The following NOP9 variants were observed in gnomAD, a reference collection of about 807,000 sequenced individuals.
NOP9 encodes the protein nucleolar protein 9.
Under a neutral mutation model 63.0 loss-of-function variants are expected in NOP9, and 50 were observed. The observed-to-expected ratio is 0.79, with a 90% CI of 0.63 to 1.00. The LOEUF is 1.00. Among genes scored for constraint, NOP9 ranks in the 50% least tolerant of loss-of-function variants. NOP9 has a pLI of 0.00. For missense variants in NOP9, 758 were observed against 803.0 expected (o/e 0.94, Z 0.68); for synonymous variants, 343 against 332.8 (o/e 1.03, Z -0.33).
At chr14:24,295,888 C>G (rs577293488), upstream of NOP9, among the ~76,000 whole-genome samples, 1 of 152,222 alleles carries the variant, frequency 6.6e-6, no homozygotes, top group African/African-American at 2.4e-5. Flanking sequence ...GGTGACTGAT[C>G]ACATCCATCA....
At chr14:24,280,050 C>T in the NOP9 span, among the ~76,000 whole-genome samples, 2 of 152,188 alleles carry the variant, frequency 1.3e-5, no homozygotes, top group Non-Finnish European at 2.9e-5. Context: ...CTGTCCCATT[C>T]ATCCATCCAA....
chr14:24,303,346 G>A, intron 6 of NOP9, 132 bp downstream of exon 6: 2 of 1,159,824 alleles, frequency 1.7e-6, no homozygotes, highest in Admixed American at 2.0e-5. Context: ...AGGAATGGGG[G>A]AAAATGAGGC....
At chr14:24,278,183 C>T in the NOP9 span, among the ~76,000 whole-genome samples, 20 of 152,298 alleles carry the variant, frequency 1.3e-4, no homozygotes, top group East Asian at 3.3e-3. Flanking sequence ...GTCACATACC[C>T]GGAGGTGGGG....
chr14:24,301,814 T>G, intron 3 of NOP9, 92 bp downstream of exon 3: 1 of 1,510,974 alleles, frequency 6.6e-7, no homozygotes, highest in Non-Finnish European at 9.2e-7. Flanking sequence ...TTATTCCTCT[T>G]CTTTTCAAAC....
rs777347694 is a variant in NOP9, at chr14:24,300,466, G to T, written c.306G>T (p.Thr102=). The T allele has an allele frequency of 6.2e-7, 1 of 1,614,204 alleles. No individual in the cohort carries two copies. Among genetic ancestry groups the T allele is most frequent in the South Asian group, 1.1e-5 (1 of 91,088 alleles). The change falls in exon 2 of 10, where the codon ACG becomes ACT. Residue 102 remains threonine, a synonymous_variant. Coordinates refer to ENST00000267425, the MANE Select transcript of NOP9 (RefSeq NM_174913.3). ...EVETQALALS[T]NRTGSEMLQE... is the part of the protein sequence containing the mutation. ...AGACTCAGGCCCTAGCTTTGTCCAC[G>T]AACAGGACTGGCAGTGAGATGCTGC...
the NOP9 span, among the ~76,000 whole-genome samples, chr14:24,276,191 A>G: frequency 6.6e-6 from 1 of 152,020 alleles, no homozygotes; most frequent in African/African-American, 2.4e-5. Context: ...AGCCTGTCCA[A>G]CACAGTGAAA....
In NOP9 at chr14:24,305,353, TG is replaced by T. The variant is rs2041464020; in HGVS notation, c.*261del. On this transcript the variant is annotated 3_prime_UTR_variant, in exon 10 of 10. Coordinates refer to ENST00000267425, the MANE Select transcript of NOP9 (RefSeq NM_174913.3). ...GGATTAGATGTAGCAGCAGTCAGGC[TG>T]GGATCAAGATGCCTGGGGGACATCT... 1.8e-6 allele frequency: 1 copy of T among 563,822 alleles called. No homozygotes were observed. Among genetic ancestry groups the T allele is most frequent in the African/African-American group, 1.9e-5 (1 of 52,832 alleles). 34.9% of individuals were successfully genotyped at this position (563,822 alleles called of 1,614,324 possible).
Position 24,300,603 on chromosome 14 carries a change from G to C in NOP9, c.443G>C (p.Ser148Thr), listed in dbSNP as rs141399108. Residue 148 changes from serine (S) to threonine (T), a missense_variant, in exon 2 of 10, where the codon AGT (serine) becomes ACT (threonine). Physicochemically the swap from Ser to Thr is moderately conservative, Grantham distance 58. Coordinates refer to ENST00000267425, the MANE Select transcript of NOP9 (RefSeq NM_174913.3). ...CHRCGVHVLQ[S>T]ALLQLPRLLG... ...CGATGCGGGGTCCATGTATTACAAAGTGCTTTGCTACAGCTCCCTCGATTG... is the reference window on the plus strand; with the variant it reads ...CGATGCGGGGTCCATGTATTACAAACTGCTTTGCTACAGCTCCCTCGATTG... 3 of 1,614,096 alleles carry C rather than the reference G, an allele frequency of 1.9e-6. No individual in the cohort carries two copies. Among genetic ancestry groups the C allele is most frequent in the Non-Finnish European group, 2.5e-6 (3 of 1,180,038 alleles).
chr14:24,300,890 GGAA>G, intron 2 of NOP9, 33 bp downstream of exon 2: 1 of 1,539,626 alleles, frequency 6.5e-7, no homozygotes, highest in African/African-American at 1.4e-5. Context: ...GGACCTAGGG[GGAA>G]GAAGAATTTA....
At chr14:24,302,167 A>T in intron 4 of NOP9, 61 bp downstream of exon 4, 2 of 1,601,566 alleles carry the variant, frequency 1.2e-6, no homozygotes, top group Non-Finnish European at 1.7e-6. Context: ...GAATGAGGTG[A>T]TGTAGTGCAA....
At chr14:24,293,007 G>A in the NOP9 span, 2 of 530,100 alleles carry the variant, frequency 3.8e-6, no homozygotes, top group South Asian at 2.9e-5. Flanking sequence ...TTTGGAAGAA[G>A]AAATGGAACG....
In NOP9 at chr14:24,301,581, C is replaced by T. The variant is rs371906510; in HGVS notation, c.698-31C>T. The T allele has an allele frequency of 1.9e-4, 304 of 1,612,734 alleles. 3 individuals are homozygous for T. In the Middle Eastern group the frequency reaches 2.6e-3, roughly 14 times the overall value. Reference sequence around the variant, plus strand: ...CTCCTGGATGGCAGTTTGTGATCTCCCCACTGCACATGTTCTTAATCTTCC... The same window carrying T: ...CTCCTGGATGGCAGTTTGTGATCTCTCCACTGCACATGTTCTTAATCTTCC... On this transcript the variant is annotated intron_variant, in intron 2 of 9. Coordinates refer to ENST00000267425, the MANE Select transcript of NOP9 (RefSeq NM_174913.3).
Position 24,306,115 on chromosome 14 carries a change from A to G in NOP9, c.*1020A>G. Reference sequence around the variant, plus strand: ...GCTGTGCTTGGGCCTCTCCCGTCCCAGGCCATATGACAGCACTCCACTCTG... The same window carrying G: ...GCTGTGCTTGGGCCTCTCCCGTCCCGGGCCATATGACAGCACTCCACTCTG... On this transcript the variant is annotated 3_prime_UTR_variant, in exon 10 of 10. Transcript: ENST00000267425. The G allele has an allele frequency of 6.2e-7, 1 of 1,613,974 alleles. No homozygotes were observed. Among genetic ancestry groups the G allele is most frequent in the East Asian group, 2.2e-5 (1 of 44,884 alleles).
Position 24,299,932 on chromosome 14 carries a change from G to A in NOP9, c.-23G>A. 1 of 1,517,396 alleles carries A rather than the reference G, an allele frequency of 6.6e-7. No homozygotes were observed. The highest frequency in any genetic ancestry group is 8.8e-7 in the Non-Finnish European group (1 of 1,133,968). The allele number at this position is 1,517,396 out of a possible 1,614,324, so 94.0% of individuals were successfully genotyped here. On this transcript the variant is annotated 5_prime_UTR_variant, in exon 1 of 10. Coordinates refer to ENST00000267425, the MANE Select transcript of NOP9 (RefSeq NM_174913.3). ...GTCCGCAGTTAAGGAAGCTTTTGCA[G>A]CCGGACAGGTCGCGAAGCACACATG...
In NOP9 at chr14:24,308,751, C is replaced by A. The variant is rs1451016574; in HGVS notation, c.*3656C>A. 6.6e-6 allele frequency: 1 copy of A among 152,184 alleles called. No individual in the cohort carries two copies. The highest frequency in any genetic ancestry group is 1.5e-5 in the Non-Finnish European group (1 of 68,030). The allele number at this position is 152,184 out of a possible 1,614,324, so 9.4% of individuals were successfully genotyped here. A position where few individuals can be genotyped will look rare whatever the true frequency, so the allele number is the denominator to read the frequency against. ...GCTGAGACTCTCACTGACAGTGAAA[C>A]CCTCAAATGAACACAATCCCTGCTT... On this transcript the variant is annotated 3_prime_UTR_variant, in exon 10 of 10. Transcript: ENST00000267425.
At position 24,304,498 on chromosome 14, in the gene NOP9, A is replaced by G. The variant is rs140347618; in HGVS notation, c.1653A>G (p.Gln551=). 1.1e-5 allele frequency: 18 copies of G among 1,608,972 alleles called. No homozygotes were observed. Among genetic ancestry groups the G allele is most frequent in the East Asian group, 6.7e-5 (3 of 44,882 alleles). The change falls in exon 9 of 10, where the codon CAA becomes CAG. Residue 551 remains glutamine, a synonymous_variant. Coordinates refer to ENST00000267425, the MANE Select transcript of NOP9 (RefSeq NM_174913.3). ...CTTTGCTTGTCTCCATACAGGGACA[A>G]TATGTGGCTCTGGCCTGTAGTCGCC... is the stretch of plus-strand genomic sequence containing the variant. ...RRRVLQNLKG[Q]YVALACSRHG... is the part of the protein sequence containing the mutation.
chr14:24,305,221 G>A lies in NOP9; in HGVS notation c.*126G>A, dbSNP rs1406814585. The A allele has an allele frequency of 1.9e-6, 2 of 1,062,570 alleles. No homozygotes were observed. The highest frequency in any genetic ancestry group is 2.3e-5 in the South Asian group (1 of 43,736). 65.8% of individuals were successfully genotyped at this position (1,062,570 alleles called of 1,614,324 possible). On this transcript the variant is annotated 3_prime_UTR_variant, in exon 10 of 10. Transcript: ENST00000267425. Reference sequence around the variant, plus strand: ...AATATTTGATATTTTTATTGGAAATGTTTTTGTTAGTTTGAGGGGAAGGGT... The same window carrying A: ...AATATTTGATATTTTTATTGGAAATATTTTTGTTAGTTTGAGGGGAAGGGT...
the NOP9 span, among the ~76,000 whole-genome samples, chr14:24,287,355 A>C: frequency 6.6e-6 from 1 of 151,814 alleles, no homozygotes; most frequent in Non-Finnish European, 1.5e-5. Flanking sequence ...GCCCAGAAAA[A>C]CCTTGTCCCA....
Position 24,304,532 on chromosome 14 carries a change from C to T in NOP9, c.1687C>T (p.Arg563Cys), listed in dbSNP as rs374603740. The stretch of plus-strand genomic sequence containing the variant: ...TCTGGCCTGTAGTCGCCATGGCAGC[C>T]GTGTGCTAGATGCCATCTGGAGTGG... ...VALACSRHGS[R>C]VLDAIWSGAA... Residue 563 changes from arginine (R) to cysteine (C), a missense_variant, in exon 9 of 10, where the codon CGT becomes TGT. Physicochemically the swap from Arg to Cys is radical, Grantham distance 180 (BLOSUM62 -3). Transcript: ENST00000267425. 60 of 1,613,354 alleles carry T rather than the reference C, an allele frequency of 3.7e-5. No individual in the cohort carries two copies. Among genetic ancestry groups the T allele is most frequent in the East Asian group, 1.3e-4 (6 of 44,892 alleles).
Sources: gnomAD v4.1 joint callset for allele counts (sites outside exome capture counted in the v4.1 genomes callset) on GRCh38, gnomAD v4.1.1 for gene constraint, MANE v1.5 for transcripts, NCBI Gene and HGNC (gene_info 2026-07-23, HGNC 2026-07-21) for gene names.